The following GRIN2B variants were observed in gnomAD, a reference collection of about 807,000 sequenced individuals.
GRIN2B encodes glutamate receptor ionotropic, NMDA 2B.
A neutral mutation model predicts 114.5 loss-of-function variants in GRIN2B; 5 were observed. The ratio of observed to expected loss-of-function variants is 0.04; its 90% CI spans 0.02 to 0.09. GRIN2B has a LOEUF of 0.09. Among genes scored for constraint, GRIN2B ranks in the 10% least tolerant of loss-of-function variants. The pLI is 1.00. For synonymous variants in GRIN2B, 787 were observed against 745.1 expected (o/e 1.06, Z -0.92); for missense variants, 1,108 against 1,943.5 (o/e 0.57, Z 8.08).
chr12:13,589,563 C>G (rs1591624827), intron 10 of GRIN2B, among the ~76,000 whole-genome samples: 1 of 152,342 alleles, frequency 6.6e-6, no homozygotes, highest in East Asian at 1.9e-4. Context: ...TTCCTGTACT[C>G]TATTCCAGTA....
chr12:13,626,292 G>T (rs1275895353), intron 5 of GRIN2B, among the ~76,000 whole-genome samples: 5 of 152,152 alleles, frequency 3.3e-5, no homozygotes, highest in African/African-American at 1.2e-4. Flanking sequence ...CAAGGCCTTG[G>T]CTTGCTCCAG....
chr12:13,977,592 C>T (rs999131521), intron 2 of GRIN2B, among the ~76,000 whole-genome samples: 5 of 152,126 alleles, frequency 3.3e-5, no homozygotes, highest in Admixed American at 3.3e-4. Context: ...CTTTCTTTCC[C>T]ATGTCACCCA....
chr12:13,866,762 T>C (rs1011524948), intron 2 of GRIN2B, among the ~76,000 whole-genome samples: 1 of 152,254 alleles, frequency 6.6e-6, no homozygotes, highest in African/African-American at 2.4e-5. Flanking sequence ...CAGAAAATTC[T>C]TTAGTAACCT....
intron 2 of GRIN2B, among the ~76,000 whole-genome samples, chr12:13,897,831 GA>G (rs981411848): frequency 4.6e-4 from 70 of 151,954 alleles, no homozygotes; most frequent in African/African-American, 1.6e-3. Context: ...TTTTTATTGG[GA>G]AAGTCATAAT....
intron 2 of GRIN2B, among the ~76,000 whole-genome samples, chr12:13,894,458 C>T (rs1208980216): frequency 1.3e-5 from 2 of 152,118 alleles, no homozygotes; most frequent in Non-Finnish European, 2.9e-5. Context: ...TGCTGTGATG[C>T]TTAATTTTAA....
At chr12:13,650,992 A>G (rs1565489037) in intron 5 of GRIN2B, among the ~76,000 whole-genome samples, 2 of 152,064 alleles carry the variant, frequency 1.3e-5, no homozygotes, top group East Asian at 3.9e-4. Flanking sequence ...ATACCATTTA[A>G]CCTAAAGGAC....
intron 3 of GRIN2B, among the ~76,000 whole-genome samples, chr12:13,777,962 A>G (rs1463958227): frequency 3.9e-5 from 6 of 152,232 alleles, no homozygotes; most frequent in African/African-American, 1.4e-4. Flanking sequence ...ACCTAAAACA[A>G]TTGAAATTCA....
intron 2 of GRIN2B, among the ~76,000 whole-genome samples, chr12:13,899,204 T>A (rs992087481): frequency 6.6e-6 from 1 of 152,008 alleles, no homozygotes. Flanking sequence ...CATAGGAGAC[T>A]AACTTGTGCA....
Position 13,753,211 on chromosome 12 carries a change from G to A in GRIN2B, c.1010+106C>T, listed in dbSNP as rs192688125. 3.3e-4 allele frequency: 268 copies of A among 811,610 alleles called. 2 individuals carry two copies. In the East Asian group the frequency reaches 5.8e-3, roughly 17 times the overall value. 50.3% of individuals were successfully genotyped at this position (811,610 alleles called of 1,614,324 possible). On this transcript the variant is annotated intron_variant, in intron 4 of 13. Coordinates refer to ENST00000609686, the MANE Select transcript of GRIN2B (RefSeq NM_000834.5). This position sits in a 1 kb window ranked among gnomAD's most constrained non-coding sequence, Gnocchi z 6.2. Reference sequence around the variant, plus strand: ...CATGCCCAAGGCCAGGCTTCAACCTGCTACCGTCTTGAACTGTTCTTCCTG... The same window carrying A: ...CATGCCCAAGGCCAGGCTTCAACCTACTACCGTCTTGAACTGTTCTTCCTG...
chr12:13,587,864 A>C (rs75695759), intron 10 of GRIN2B, among the ~76,000 whole-genome samples: 28 of 152,328 alleles, frequency 1.8e-4, no homozygotes, highest in Non-Finnish European at 3.1e-4. Context: ...TCGATGAGTC[A>C]ATTTCACACC....
intron 10 of GRIN2B, 137 bp from the exon 11 acceptor site, chr12:13,572,101 T>A: frequency 2.8e-6 from 2 of 716,692 alleles, no homozygotes; most frequent in Non-Finnish European, 4.9e-6. Context: ...CCAACTATAA[T>A]TCACCGAATA....
chr12:13,750,409 A>AAAT (rs1223152405), intron 4 of GRIN2B, among the ~76,000 whole-genome samples: 1 of 152,200 alleles, frequency 6.6e-6, no homozygotes, highest in Admixed American at 6.5e-5. Flanking sequence ...GCCAAGCAGG[A>AAAT]AATAATAATA....
chr12:13,827,454 G>A (rs1240622181), intron 3 of GRIN2B, among the ~76,000 whole-genome samples: 1 of 151,724 alleles, frequency 6.6e-6, no homozygotes, highest in Non-Finnish European at 1.5e-5. Context: ...CTCTAAAACA[G>A]TTCATACTGT....
At chr12:13,826,056 CTG>C (rs1865029886) in intron 3 of GRIN2B, among the ~76,000 whole-genome samples, 1 of 151,474 alleles carries the variant, frequency 6.6e-6, no homozygotes, top group Non-Finnish European at 1.5e-5. Context: ...CTTGAATTGA[CTG>C]TTTTTTTAGA....
At chr12:13,697,563 G>A (rs1950272965) in intron 4 of GRIN2B, among the ~76,000 whole-genome samples, 1 of 152,144 alleles carries the variant, frequency 6.6e-6, no homozygotes, top group South Asian at 2.1e-4. Context: ...GAGTGCGGGG[G>A]CTGGAAGGAG....
At chr12:13,698,217 T>C (rs969281127) in intron 4 of GRIN2B, among the ~76,000 whole-genome samples, 3 of 151,650 alleles carry the variant, frequency 2.0e-5, no homozygotes, top group Non-Finnish European at 4.4e-5. Context: ...TGCGGTGGAG[T>C]TGGGGCGCGG....
At chr12:13,930,586 T>A (rs219882) in intron 2 of GRIN2B, among the ~76,000 whole-genome samples, 3 of 151,818 alleles carry the variant, frequency 2.0e-5, no homozygotes, top group East Asian at 3.8e-4. Flanking sequence ...TTGGTTTGTC[T>A]ACATTTGAAT....
At chr12:13,758,094 G>A (rs760931662) in intron 3 of GRIN2B, among the ~76,000 whole-genome samples, 3 of 152,140 alleles carry the variant, frequency 2.0e-5, no homozygotes, top group Admixed American at 6.5e-5. Flanking sequence ...CTGAATGACT[G>A]GCTGTTACAG....
intron 2 of GRIN2B, among the ~76,000 whole-genome samples, chr12:13,965,595 A>C (rs371738809): frequency 6.6e-6 from 1 of 151,380 alleles, no homozygotes; most frequent in African/African-American, 2.4e-5. Context: ...GTGTGATTGT[A>C]TGTTAGTTAC....
Sources: gnomAD v4.1 joint callset for allele counts (sites outside exome capture counted in the v4.1 genomes callset) on GRCh38, gnomAD v4.1.1 for gene constraint, Gnocchi (gnomAD v3.1) non-coding constraint, MANE v1.5 for transcripts, NCBI Gene and HGNC (gene_info 2026-07-23, HGNC 2026-07-21) for gene names.